The following ASTN2 variants were observed in gnomAD, a reference collection of about 807,000 sequenced individuals.
ASTN2 encodes astrotactin 2, also known as astrotactin-2.
In ASTN2, 54 loss-of-function variants were observed where a neutral mutation model predicts 139.8. The ratio of observed to expected loss-of-function variants is 0.39; its 90% CI spans 0.31 to 0.48. The LOEUF (loss-of-function observed/expected upper bound fraction) is 0.48, where lower values mean the gene tolerates loss of function less well. Among genes scored for constraint, ASTN2 ranks in the 20% least tolerant of loss-of-function variants. ASTN2 has a pLI of 0.95. For missense variants in ASTN2, 1,565 were observed against 1,725.1 expected (o/e 0.91, Z 1.64); for synonymous variants, 756 against 719.5 (o/e 1.05, Z -0.81).
intron 20 of ASTN2, among the ~76,000 whole-genome samples, chr9:116,477,039 C>G (rs1032014271): frequency 2.0e-5 from 3 of 152,124 alleles, no homozygotes; most frequent in South Asian, 2.1e-4. Flanking sequence ...GCTCCCACCC[C>G]CTCCCCACTC....
At chr9:116,737,610 CGTGTGTGTGTGTGTGTGTGT>C (rs57891581) in intron 13 of ASTN2, among the ~76,000 whole-genome samples, 35 of 137,250 alleles carry the variant, frequency 2.6e-4, no homozygotes, top group Non-Finnish European at 5.1e-4. Context: ...CATGTGCCAA[CGTGTGTGTGTGTGTGTGTGT>C]GTGTGTGTGT....
chr9:116,472,959 G>T (rs933884409), intron 20 of ASTN2, among the ~76,000 whole-genome samples: 1 of 150,098 alleles, frequency 6.7e-6, no homozygotes, highest in East Asian at 2.0e-4. Flanking sequence ...TCATGGTTCT[G>T]CCATTTACTA....
intron 16 of ASTN2, among the ~76,000 whole-genome samples, chr9:116,657,724 T>C (rs1379313754): frequency 6.6e-6 from 1 of 151,958 alleles, no homozygotes; most frequent in East Asian, 1.9e-4. Flanking sequence ...GCCTGTAATC[T>C]CAGTTATTTG....
intron 17 of ASTN2, among the ~76,000 whole-genome samples, chr9:116,636,517 A>G (rs1286059592): frequency 6.6e-6 from 1 of 152,102 alleles, no homozygotes; most frequent in Non-Finnish European, 1.5e-5. Flanking sequence ...TCTATTAAAA[A>G]TACAAATATT....
At chr9:116,574,084 G>A (rs551421577) in intron 19 of ASTN2, among the ~76,000 whole-genome samples, 2 of 152,158 alleles carry the variant, frequency 1.3e-5, no homozygotes, top group Non-Finnish European at 2.9e-5. Flanking sequence ...GATAGAGGAA[G>A]CTTAGTTAGA....
chr9:116,826,704 C>T (rs891262276), intron 11 of ASTN2, among the ~76,000 whole-genome samples: 3 of 152,106 alleles, frequency 2.0e-5, no homozygotes, highest in Non-Finnish European at 4.4e-5. Flanking sequence ...CTAAGCAAGC[C>T]AACTAATGGC....
intron 3 of ASTN2, among the ~76,000 whole-genome samples, chr9:117,160,992 A>G (rs1830538204): frequency 6.6e-6 from 1 of 152,026 alleles, no homozygotes; most frequent in Non-Finnish European, 1.5e-5. Flanking sequence ...CTCAACTTGA[A>G]ATCAAAAGTA....
chr9:116,714,511 ACTT>A (rs1158633322), intron 16 of ASTN2, among the ~76,000 whole-genome samples: 1 of 152,232 alleles, frequency 6.6e-6, no homozygotes, highest in Non-Finnish European at 1.5e-5. Context: ...AGCAGTAATC[ACTT>A]TACAAACATC....
At chr9:117,333,990 C>T (rs1483296269) in intron 1 of ASTN2, among the ~76,000 whole-genome samples, 4 of 152,160 alleles carry the variant, frequency 2.6e-5, no homozygotes, top group African/African-American at 9.7e-5. Flanking sequence ...GTTTCACTTC[C>T]AAACCATGCT....
In ASTN2 at chr9:117,060,459, AGGAAGGAAGGAAGGAAGGAAGGAAGGAAT is replaced by A. The variant is rs555043485; in HGVS notation, c.1277-20523_1277-20495del. Among the ~76,000 whole-genome samples, 162 of 88,642 alleles carry A rather than the reference AGGAAGGAAGGAAGGAAGGAAGGAAGGAAT, an allele frequency of 1.8e-3. 11 individuals are homozygous for A. Among genetic ancestry groups the A allele is most frequent in the African/African-American group, 7.5e-3 (136 of 18,060 alleles). The allele number at this position is 88,642 out of a possible 152,430, so 58.2% of individuals were successfully genotyped here. A position where few individuals can be genotyped will look rare whatever the true frequency, so the allele number is the denominator to read the frequency against. ...GAGAGAGAGAGAAAGAAAGAAAGAAAGGAAGGAAGGAAGGAAGGAAGGAAGGAATGAAAGAAAGAAAGAAAGAAAGAAAG... is the reference window on the plus strand; with the variant it reads ...GAGAGAGAGAGAAAGAAAGAAAGAAAGAAAGAAAGAAAGAAAGAAAGAAAG... On this transcript the variant is annotated intron_variant, in intron 5 of 22. Coordinates refer to ENST00000313400, the MANE Select transcript of ASTN2 (RefSeq NM_001365068.1).
At chr9:117,387,839 A>C (rs756535319) in intron 1 of ASTN2, among the ~76,000 whole-genome samples, 3 of 152,170 alleles carry the variant, frequency 2.0e-5, no homozygotes, top group Non-Finnish European at 4.4e-5. Flanking sequence ...AAAGATTATG[A>C]AATCCTAAAA....
chr9:116,735,751 G>T (rs1000632496), intron 13 of ASTN2, among the ~76,000 whole-genome samples: 2 of 152,238 alleles, frequency 1.3e-5, no homozygotes, highest in African/African-American at 4.8e-5. Flanking sequence ...GAGAGGCTAA[G>T]GGTGAGGAGG....
chr9:116,729,071 C>T lies in ASTN2; in HGVS notation c.2547G>A (p.Met849Ile). The change falls in exon 15 of 23, where the codon ATG (methionine) becomes ATA (isoleucine). Residue 849 changes from methionine (M) to isoleucine (I), a missense_variant. Met to Ile is a conservative substitution (Grantham distance 10). This residue lies in a region of ASTN2 where 503 missense variants were observed against 591.7 expected (regional missense o/e 0.85). Coordinates refer to ENST00000313400, the MANE Select transcript of ASTN2 (RefSeq NM_001365068.1). ...GCCACTGCTGCACCATGGGGTAACC[C>T]ATGGCCTCATCATACCTGATATCTC... ...LTGDIRYDEA[M>I]GYPMVQQWRV... 2 of 1,594,762 alleles carry T rather than the reference C, an allele frequency of 1.3e-6. No homozygotes were observed. Among genetic ancestry groups the T allele is most frequent in the Non-Finnish European group, 1.7e-6 (2 of 1,169,798 alleles).
At chr9:116,588,772 T>A (rs1854262505) in intron 19 of ASTN2, among the ~76,000 whole-genome samples, 2 of 152,202 alleles carry the variant, frequency 1.3e-5, no homozygotes, top group African/African-American at 2.4e-5. Flanking sequence ...AGTTCATACT[T>A]CAACGTTTTT....
At chr9:116,921,785 T>C (rs549242431) in intron 10 of ASTN2, among the ~76,000 whole-genome samples, 2 of 152,226 alleles carry the variant, frequency 1.3e-5, no homozygotes, top group South Asian at 4.2e-4. Context: ...TAAACACTTA[T>C]CTGATCTTGT....
At chr9:117,202,415 A>G (rs527768097) in intron 3 of ASTN2, among the ~76,000 whole-genome samples, 1 of 152,198 alleles carries the variant, frequency 6.6e-6, no homozygotes, top group East Asian at 1.9e-4. Flanking sequence ...ACAGTAGTTG[A>G]TGCAGTTTCT....
intron 17 of ASTN2, among the ~76,000 whole-genome samples, chr9:116,646,127 G>A (rs929192345): frequency 6.6e-6 from 1 of 152,182 alleles, no homozygotes; most frequent in Non-Finnish European, 1.5e-5. Context: ...AATGGGGATT[G>A]AGGAAACATC....
chr9:117,039,350 G>A (rs2132646904), intron 6 of ASTN2, among the ~76,000 whole-genome samples: 1 of 152,112 alleles, frequency 6.6e-6, no homozygotes, highest in East Asian at 1.9e-4. Flanking sequence ...AACACCACAT[G>A]TTCTCACTCA....
intron 17 of ASTN2, among the ~76,000 whole-genome samples, chr9:116,623,790 C>T (rs531191379): frequency 8.7e-4 from 132 of 152,238 alleles, no homozygotes; most frequent in African/African-American, 3.1e-3. Flanking sequence ...TGAACTAAAG[C>T]CCATTTGAAT....
Sources: gnomAD v4.1 joint callset for allele counts (sites outside exome capture counted in the v4.1 genomes callset) on GRCh38, gnomAD v4.1.1 for gene constraint, gnomAD v4.1.1 regional missense constraint, MANE v1.5 for transcripts, NCBI Gene and HGNC (gene_info 2026-07-23, HGNC 2026-07-21) for gene names.